GALNT13: variants seen among roughly 807,000 people sequenced by gnomAD.
GALNT13 encodes UDP-GalNAc:polypeptide N-acetylgalactosaminyltransferase 13.
A neutral mutation model predicts 64.2 loss-of-function variants in GALNT13; 28 were observed. The ratio of observed to expected loss-of-function variants is 0.44; its 90% CI spans 0.32 to 0.60. The LOEUF is 0.60. Ranked by LOEUF, GALNT13 falls within the 20% of genes least tolerant of loss-of-function variation. GALNT13 has a pLI of 0.05. For synonymous variants in GALNT13, 214 were observed against 224.6 expected, an observed-to-expected ratio of 0.95 and a Z score of 0.42; for missense variants, 577 against 669.8, an observed-to-expected ratio of 0.86 and a Z score of 1.53.
the GALNT13 span, among the ~76,000 whole-genome samples, chr2:153,072,493 A>G: frequency 6.6e-5 from 10 of 152,312 alleles, no homozygotes; most frequent in African/African-American, 2.4e-4. Flanking sequence ...TTTGGAGAAA[A>G]ACTGAGTTAT....
chr2:154,422,380 T>G lies in GALNT13; in HGVS notation c.1395+13298T>G, dbSNP rs372360083. 1.2e-3 allele frequency among the ~76,000 whole-genome samples: 176 copies of G among 152,322 alleles called. 4 individuals carry two copies. The South Asian group carries it at 0.034, about 30-fold the overall frequency. ...ACTGTAGAAACTTTTTCAATTCATT[T>G]CTTTTATTCTGCTATCAAAGGATTT... On this transcript the variant is annotated intron_variant, in intron 11 of 12. Transcript: ENST00000392825.
chr2:153,180,456 T>C, the GALNT13 span, among the ~76,000 whole-genome samples: 62 of 152,206 alleles, frequency 4.1e-4, no homozygotes, highest in Admixed American at 7.9e-4. Context: ...TTTGCATATA[T>C]GTTCACCAAG....
At chr2:153,936,540 G>A (rs985115487) in intron 2 of GALNT13, among the ~76,000 whole-genome samples, 4 of 152,052 alleles carry the variant, frequency 2.6e-5, no homozygotes, top group African/African-American at 9.7e-5. Context: ...CCTGAAACCA[G>A]GTAGGATGGT....
chr2:153,630,815 T>TA, the GALNT13 span, among the ~76,000 whole-genome samples: 1 of 77,720 alleles, frequency 1.3e-5, no homozygotes, highest in Non-Finnish European at 2.6e-5. Context: ...ATATTTTTTT[T>TA]TTTTTTTTTA....
chr2:153,419,144 G>A, the GALNT13 span, among the ~76,000 whole-genome samples: 1 of 152,158 alleles, frequency 6.6e-6, no homozygotes. Context: ...GGCTGGGGAG[G>A]CCTCAGGAAA....
At chr2:153,219,279 G>A in the GALNT13 span, among the ~76,000 whole-genome samples, 2 of 151,850 alleles carry the variant, frequency 1.3e-5, no homozygotes, top group Admixed American at 6.5e-5. Flanking sequence ...TGAATAAGAT[G>A]TTTTTGGTGA....
the GALNT13 span, among the ~76,000 whole-genome samples, chr2:153,764,981 G>A: frequency 6.6e-6 from 1 of 152,244 alleles, no homozygotes; most frequent in East Asian, 1.9e-4. Flanking sequence ...AAGAACTGAG[G>A]TTTGGAAAAC....
chr2:153,827,258 G>T, the GALNT13 span, among the ~76,000 whole-genome samples: 4 of 152,020 alleles, frequency 2.6e-5, no homozygotes, highest in Non-Finnish European at 5.9e-5. Flanking sequence ...GACCCACCAC[G>T]ATGATTCAAT....
the GALNT13 span, among the ~76,000 whole-genome samples, chr2:153,688,403 A>G: frequency 6.6e-6 from 1 of 152,140 alleles, no homozygotes; most frequent in Admixed American, 6.6e-5. Flanking sequence ...CAATATCACT[A>G]AATACTTTTA....
Position 154,075,282 on chromosome 2 carries a change from A to G in GALNT13, c.143-65055A>G, listed in dbSNP as rs570603155. On this transcript the variant is annotated intron_variant, in intron 3 of 12. Transcript: ENST00000392825. Reference sequence around the variant, plus strand: ...CAACCTAAAATAAGAGTTTAAAAAAAGATACTGTCAAAACAACACAGTTCT... The same window carrying G: ...CAACCTAAAATAAGAGTTTAAAAAAGGATACTGTCAAAACAACACAGTTCT... Among the ~76,000 whole-genome samples, 6 of 151,970 alleles carry G rather than the reference A, an allele frequency of 3.9e-5. No individual in the cohort carries two copies. The East Asian group carries it at 1.2e-3, about 29-fold the overall frequency.
At chr2:154,283,496 T>A (rs1206970837) in intron 8 of GALNT13, among the ~76,000 whole-genome samples, 1 of 151,910 alleles carries the variant, frequency 6.6e-6, no homozygotes, top group African/African-American at 2.4e-5. Context: ...CTTTAATTTC[T>A]GATTTTTTTA....
the GALNT13 span, among the ~76,000 whole-genome samples, chr2:153,170,437 A>G: frequency 6.6e-6 from 1 of 152,218 alleles, no homozygotes. Context: ...CTTTGAACCT[A>G]AAGTAATTAT....
chr2:154,249,862 AT>A (rs1260695390), intron 7 of GALNT13, among the ~76,000 whole-genome samples: 1 of 152,048 alleles, frequency 6.6e-6, no homozygotes, highest in Non-Finnish European at 1.5e-5. Flanking sequence ...TCATGCATTT[AT>A]TTTTCACTCA....
intron 10 of GALNT13, among the ~76,000 whole-genome samples, chr2:154,398,024 G>A (rs964727797): frequency 5.9e-5 from 9 of 152,180 alleles, no homozygotes; most frequent in Non-Finnish European, 1.2e-4. Context: ...ATATACTACA[G>A]TGCTTTTTAA....
chr2:153,951,749 TAA>T (rs1692200568), intron 3 of GALNT13, among the ~76,000 whole-genome samples: 1 of 152,172 alleles, frequency 6.6e-6, no homozygotes, highest in Non-Finnish European at 1.5e-5. Context: ...CCTTAAACTC[TAA>T]ATATCAAACT....
At chr2:153,247,334 A>G in the GALNT13 span, among the ~76,000 whole-genome samples, 1 of 152,202 alleles carries the variant, frequency 6.6e-6, no homozygotes, top group African/African-American at 2.4e-5. Flanking sequence ...CAGAATATAC[A>G]TTCTTCTCAG....
At chr2:154,279,872 A>C (rs1331904167) in intron 8 of GALNT13, among the ~76,000 whole-genome samples, 1 of 152,036 alleles carries the variant, frequency 6.6e-6, no homozygotes, top group African/African-American at 2.4e-5. Flanking sequence ...TTGAATAAGT[A>C]CTTGAGGTGA....
the GALNT13 span, among the ~76,000 whole-genome samples, chr2:153,306,768 T>G: frequency 1.3e-5 from 2 of 152,216 alleles, no homozygotes; most frequent in Non-Finnish European, 2.9e-5. Flanking sequence ...TGTTTTTTCT[T>G]TCTAAGATGG....
At chr2:154,373,022 G>A (rs1233832439) in intron 9 of GALNT13, among the ~76,000 whole-genome samples, 1 of 151,972 alleles carries the variant, frequency 6.6e-6, no homozygotes, top group Non-Finnish European at 1.5e-5. Context: ...TAGGAGCTAA[G>A]ATAACTGAAA....
Sources: gnomAD v4.1 joint callset for allele counts (sites outside exome capture counted in the v4.1 genomes callset) on GRCh38, gnomAD v4.1.1 for gene constraint, MANE v1.5 for transcripts, NCBI Gene and HGNC (gene_info 2026-07-23, HGNC 2026-07-21) for gene names.